Variants in FSTL5 observed in about 807,000 individuals in gnomAD.
FSTL5 encodes the protein follistatin-related protein 5.
FSTL5 carries 62 observed loss-of-function variants against 89.1 expected under a neutral mutation model. The observed-to-expected ratio is 0.70, with a 90% CI of 0.57 to 0.86. FSTL5 has a LOEUF of 0.86. Among genes scored for constraint, FSTL5 ranks in the 40% least tolerant of loss-of-function variants. FSTL5 has a pLI of 0.00. For synonymous variants in FSTL5, 383 were observed against 346.2 expected (o/e 1.11, Z -1.18); for missense variants, 1,057 against 1,001.6 (o/e 1.06, Z -0.75).
At chr4:161,872,936 GA>G (rs1321675828) in intron 4 of FSTL5, among the ~76,000 whole-genome samples, 1 of 151,994 alleles carries the variant, frequency 6.6e-6, no homozygotes, top group East Asian at 1.9e-4. Flanking sequence ...AATGAGAGGG[GA>G]AAAAAGGACT....
At chr4:161,655,917 T>C (rs1736498346) in intron 7 of FSTL5, among the ~76,000 whole-genome samples, 1 of 152,176 alleles carries the variant, frequency 6.6e-6, no homozygotes, top group African/African-American at 2.4e-5. Context: ...TTCCTATTGA[T>C]GGCATTTTAA....
chr4:161,406,528 C>T (rs1263853078), intron 15 of FSTL5, among the ~76,000 whole-genome samples: 1 of 151,968 alleles, frequency 6.6e-6, no homozygotes, highest in Non-Finnish European at 1.5e-5. Flanking sequence ...TCTGTTAGGT[C>T]TGGTTAGTTT....
rs1732259071 is a variant in FSTL5, at chr4:161,552,752, A to G, written c.1016-10059T>C. Among the ~76,000 whole-genome samples, 6 of 151,762 alleles carry G rather than the reference A, an allele frequency of 4.0e-5. No individual in the cohort carries two copies. The South Asian group carries it at 1.2e-3, about 31-fold the overall frequency. On this transcript the variant is annotated intron_variant, in intron 8 of 15. Transcript: ENST00000306100. ...AAAAGTGTCTCTTAACTCACATAGA[A>G]TTGAAGGATAAGTGATTGGCATAAC... is the stretch of plus-strand genomic sequence containing the variant.
intron 7 of FSTL5, among the ~76,000 whole-genome samples, chr4:161,589,618 C>A (rs188988504): frequency 6.6e-6 from 1 of 152,074 alleles, no homozygotes; most frequent in East Asian, 1.9e-4. Flanking sequence ...ATACCTGCCC[C>A]CTAGAGTCTT....
intron 4 of FSTL5, among the ~76,000 whole-genome samples, chr4:161,862,748 A>C (rs999846165): frequency 6.6e-6 from 1 of 152,184 alleles, no homozygotes; most frequent in East Asian, 1.9e-4. Context: ...AAATAAATAA[A>C]TAGAGAAAGA....
chr4:161,679,132 A>G (rs1052822046), intron 6 of FSTL5, among the ~76,000 whole-genome samples: 3 of 151,786 alleles, frequency 2.0e-5, no homozygotes. Flanking sequence ...GTAAAATTAT[A>G]AAGAGGAGAT....
intron 4 of FSTL5, among the ~76,000 whole-genome samples, chr4:161,822,244 C>T: frequency 6.6e-6 from 1 of 152,144 alleles, no homozygotes; most frequent in Non-Finnish European, 1.5e-5. Context: ...AGCCAGAAAC[C>T]TCTGTGGATG....
intron 4 of FSTL5, among the ~76,000 whole-genome samples, chr4:161,859,071 G>A (rs1052652581): frequency 6.6e-6 from 1 of 152,138 alleles, no homozygotes; most frequent in African/African-American, 2.4e-5. Context: ...AGCTCTCTTA[G>A]TACTGTTTCC....
intron 7 of FSTL5, among the ~76,000 whole-genome samples, chr4:161,614,154 A>C (rs2126638440): frequency 6.6e-6 from 1 of 152,290 alleles, no homozygotes; most frequent in Admixed American, 6.5e-5. Context: ...CTTCTGTCAT[A>C]TTTTGAAACT....
intron 8 of FSTL5, among the ~76,000 whole-genome samples, chr4:161,566,641 G>C (rs923222298): frequency 6.6e-6 from 1 of 151,952 alleles, no homozygotes; most frequent in African/African-American, 2.4e-5. Context: ...TTTAACAAAG[G>C]CCATTCTAAC....
At chr4:161,922,383 T>C (rs938601242) in intron 3 of FSTL5, among the ~76,000 whole-genome samples, 5 of 152,086 alleles carry the variant, frequency 3.3e-5, no homozygotes, top group African/African-American at 1.2e-4. Flanking sequence ...CATTTACTTA[T>C]GTAACCAACC....
chr4:161,513,273 GAGA>G (rs1730709223), intron 10 of FSTL5, among the ~76,000 whole-genome samples: 9 of 3,626 alleles, frequency 2.5e-3, no homozygotes, highest in African/African-American at 4.6e-3. Context: ...CAAGGAGGGG[GAGA>G]GAGAGAGAGA....
At chr4:161,449,001 G>T (rs1733057630) in intron 15 of FSTL5, among the ~76,000 whole-genome samples, 2 of 152,262 alleles carry the variant, frequency 1.3e-5, no homozygotes, top group South Asian at 2.1e-4. Flanking sequence ...AACACTAGTT[G>T]TTTGTTTACT....
intron 8 of FSTL5, among the ~76,000 whole-genome samples, chr4:161,543,196 A>T (rs554437191): frequency 6.6e-6 from 1 of 152,168 alleles, no homozygotes; most frequent in East Asian, 1.9e-4. Context: ...TCAAAAAATA[A>T]AATATTTAGG....
rs374063493 is a variant in FSTL5, at chr4:161,690,016, T to C, written c.728-33522A>G. On this transcript the variant is annotated intron_variant, in intron 6 of 15. Transcript: ENST00000306100. ...TGGCTGGATAATGTTCCACTCTGCG[T>C]ATATACCACAATTCCTTTTTCCATT... Among the ~76,000 whole-genome samples the C allele has an allele frequency of 3.3e-5, 5 of 152,318 alleles. No homozygotes were observed. The East Asian group carries it at 9.6e-4, about 29-fold the overall frequency.
At chr4:161,800,746 C>G (rs377299458) in intron 4 of FSTL5, among the ~76,000 whole-genome samples, 93 of 151,536 alleles carry the variant, frequency 6.1e-4, no homozygotes, top group African/African-American at 2.0e-3. Context: ...AAACTTGTTA[C>G]CTTAAAAAAT....
At chr4:161,601,938 A>G (rs1159325194) in intron 7 of FSTL5, among the ~76,000 whole-genome samples, 1 of 152,156 alleles carries the variant, frequency 6.6e-6, no homozygotes, top group Non-Finnish European at 1.5e-5. Context: ...CACATAAAAT[A>G]GAAAGAAAAA....
intron 6 of FSTL5, among the ~76,000 whole-genome samples, chr4:161,684,511 G>T (rs1224551222): frequency 6.6e-6 from 1 of 152,108 alleles, no homozygotes; most frequent in African/African-American, 2.4e-5. Flanking sequence ...GCATTTCCCT[G>T]ATCATTAGTG....
At chr4:161,739,831 C>A (rs539483971) in intron 6 of FSTL5, among the ~76,000 whole-genome samples, 1 of 141,818 alleles carries the variant, frequency 7.1e-6, no homozygotes, top group South Asian at 2.4e-4. Flanking sequence ...TAAAACTGGG[C>A]ATAATTGGAC....
Sources: allele counts gnomAD v4.1 joint callset (sites outside exome capture counted in the v4.1 genomes callset), GRCh38; gene constraint gnomAD v4.1.1; transcripts MANE v1.5; gene names NCBI Gene and HGNC (gene_info 2026-07-23, HGNC 2026-07-21).